TBC1D4: variants seen among roughly 807,000 people sequenced by gnomAD.
TBC1D4 encodes TBC (Tre-2, BUB2, CDC16) domain-containing protein.
TBC1D4 carries 121 observed loss-of-function variants against 142.5 expected under a neutral mutation model. The ratio of observed to expected loss-of-function variants is 0.85; its 90% CI spans 0.73 to 0.99. TBC1D4 has a LOEUF of 0.99. Ranked by LOEUF, TBC1D4 falls within the 50% of genes least tolerant of loss-of-function variation. TBC1D4 has a pLI of 0.00. For missense variants in TBC1D4, 1,475 were observed against 1,606.6 expected (o/e 0.92, Z 1.40); for synonymous variants, 630 against 628.2 (o/e 1.00, Z -0.04).
chr13:75,331,172 C>T (rs1879711321), intron 8 of TBC1D4, among the ~76,000 whole-genome samples: 1 of 152,108 alleles, frequency 6.6e-6, no homozygotes, highest in Admixed American at 6.6e-5. Flanking sequence ...AAAATGAGTA[C>T]TATTTTTAAA....
chr13:75,475,896 A>C (rs1186942140), intron 1 of TBC1D4, among the ~76,000 whole-genome samples: 1 of 152,190 alleles, frequency 6.6e-6, no homozygotes, highest in Non-Finnish European at 1.5e-5. Flanking sequence ...GAATATTTGC[A>C]TATACATAAT....
At chr13:75,454,325 A>G (rs759138186) in intron 1 of TBC1D4, among the ~76,000 whole-genome samples, 2 of 152,208 alleles carry the variant, frequency 1.3e-5, no homozygotes, top group Non-Finnish European at 2.9e-5. Context: ...CTCTATTGTG[A>G]CTTATTAAAA....
intron 1 of TBC1D4, among the ~76,000 whole-genome samples, chr13:75,461,507 C>A (rs950534116): frequency 2.0e-5 from 3 of 152,198 alleles, no homozygotes; most frequent in African/African-American, 7.2e-5. Context: ...CCAAAATTCT[C>A]TTTCAAAGTA....
chr13:75,407,556 C>T (rs1885404241), intron 1 of TBC1D4, among the ~76,000 whole-genome samples: 1 of 152,148 alleles, frequency 6.6e-6, no homozygotes, highest in Non-Finnish European at 1.5e-5. Flanking sequence ...ATAAAAGTGG[C>T]TTTGGTACAA....
chr13:75,309,668 A>G (rs1258139023), intron 14 of TBC1D4, among the ~76,000 whole-genome samples: 1 of 152,226 alleles, frequency 6.6e-6, no homozygotes, highest in Non-Finnish European at 1.5e-5. Context: ...ATTCTATTTT[A>G]CCTAAATATA....
At chr13:75,303,742 A>T (rs1876843609) in intron 15 of TBC1D4, among the ~76,000 whole-genome samples, 1 of 152,178 alleles carries the variant, frequency 6.6e-6, no homozygotes, top group South Asian at 2.1e-4. Flanking sequence ...ATGACTTATG[A>T]GGCCTCTACA....
chr13:75,377,208 G>T (rs1434237800), intron 1 of TBC1D4: 1 of 152,162 alleles, frequency 6.6e-6, no homozygotes, highest in Non-Finnish European at 1.5e-5. Context: ...CAAACAGAGT[G>T]AGGCCGTTAA....
intron 1 of TBC1D4, among the ~76,000 whole-genome samples, chr13:75,473,173 A>ATT (rs201883667): frequency 4.6e-5 from 7 of 151,924 alleles, no homozygotes; most frequent in African/African-American, 1.7e-4. Flanking sequence ...AATTTTTGCT[A>ATT]TTTTTTTAGA....
intron 1 of TBC1D4, among the ~76,000 whole-genome samples, chr13:75,378,719 C>T (rs2138243967): frequency 6.6e-6 from 1 of 152,170 alleles, no homozygotes; most frequent in East Asian, 1.9e-4. Context: ...ATTGGTCTAT[C>T]TTCTCAATTT....
intron 1 of TBC1D4, among the ~76,000 whole-genome samples, chr13:75,380,776 T>C (rs1164691568): frequency 6.6e-6 from 1 of 152,176 alleles, no homozygotes; most frequent in Non-Finnish European, 1.5e-5. Context: ...CCATAATTTC[T>C]GGTGTTATGC....
intron 2 of TBC1D4, among the ~76,000 whole-genome samples, chr13:75,361,608 G>C (rs1465757770): frequency 6.6e-6 from 1 of 152,160 alleles, no homozygotes; most frequent in Non-Finnish European, 1.5e-5. Context: ...TGGAACTCCT[G>C]ACCTCAAGTA....
At chr13:75,360,806 G>C (rs6562885) in intron 2 of TBC1D4, among the ~76,000 whole-genome samples, 119,888 of 152,078 alleles carry the variant, frequency 0.79, 47,321 homozygotes, top group South Asian at 0.87. Flanking sequence ...GTTCACCTAC[G>C]AGTGTTTATG....
At chr13:75,313,015 G>C (rs1466345315) in intron 12 of TBC1D4, 117 bp from the exon 13 acceptor site, 3 of 1,158,502 alleles carry the variant, frequency 2.6e-6, no homozygotes, top group Non-Finnish European at 3.8e-6. Context: ...ACAAGCCACA[G>C]GCAACATGGA....
intron 1 of TBC1D4, among the ~76,000 whole-genome samples, chr13:75,410,324 G>A (rs1885584366): frequency 6.6e-6 from 1 of 152,126 alleles, no homozygotes; most frequent in Non-Finnish European, 1.5e-5. Flanking sequence ...CAGTAATCCA[G>A]GTGCGGACAC....
At chr13:75,298,297 T>C (rs1020320023) in intron 17 of TBC1D4, among the ~76,000 whole-genome samples, 7 of 152,174 alleles carry the variant, frequency 4.6e-5, no homozygotes, top group South Asian at 2.1e-4. Flanking sequence ...TAAGTATCTA[T>C]AGACAAAATT....
intron 18 of TBC1D4, among the ~76,000 whole-genome samples, chr13:75,292,476 T>C (rs1167325963): frequency 1.3e-5 from 2 of 152,106 alleles, no homozygotes; most frequent in East Asian, 3.8e-4. Context: ...GAATCTCAGA[T>C]AAAGCCAGGG....
In TBC1D4 at chr13:75,310,167, C is replaced by T. The variant is rs1877607470; in HGVS notation, c.2384-16G>A. On this transcript the variant is annotated splice_polypyrimidine_tract_variant and intron_variant, in intron 13 of 20. Coordinates refer to ENST00000377636, the MANE Select transcript of TBC1D4 (RefSeq NM_014832.5). ...TCCAATCCATCTGCAGAGAAGAACACAGTGAGAGGCATTCCTTAGCAGTAA... is the reference window on the plus strand; with the variant it reads ...TCCAATCCATCTGCAGAGAAGAACATAGTGAGAGGCATTCCTTAGCAGTAA... 1 of 1,609,992 alleles carries T rather than the reference C, an allele frequency of 6.2e-7. No homozygotes were observed. Among genetic ancestry groups the T allele is most frequent in the South Asian group, 1.1e-5 (1 of 90,716 alleles).
intron 1 of TBC1D4, among the ~76,000 whole-genome samples, chr13:75,457,628 C>T (rs920641351): frequency 1.3e-5 from 2 of 152,186 alleles, no homozygotes; most frequent in African/African-American, 4.8e-5. Context: ...CCTTGACCTA[C>T]AAGAAGGACT....
intron 11 of TBC1D4, 81 bp from the exon 12 acceptor site, chr13:75,320,118 A>G: frequency 3.4e-6 from 5 of 1,470,230 alleles, no homozygotes; most frequent in South Asian, 1.2e-5. Context: ...AGGCATTCCA[A>G]TAAGTCATCA....
Sources: gnomAD v4.1 joint callset for allele counts (sites outside exome capture counted in the v4.1 genomes callset) on GRCh38, gnomAD v4.1.1 for gene constraint, MANE v1.5 for transcripts, NCBI Gene and HGNC (gene_info 2026-07-23, HGNC 2026-07-21) for gene names.